The following TBC1D9B variants were observed in gnomAD, a reference collection of about 807,000 sequenced individuals.
TBC1D9B encodes TBC1 domain family member 9B, also known as TBC1 domain family, member 9B (with GRAM domain).
A neutral mutation model predicts 121.1 loss-of-function variants in TBC1D9B; 87 were observed. That is an observed-to-expected ratio of 0.72 (90% confidence interval 0.60 to 0.86). TBC1D9B has a LOEUF of 0.86. Among genes scored for constraint, TBC1D9B ranks in the 40% least tolerant of loss-of-function variants. The pLI is 0.00. For synonymous variants in TBC1D9B, 668 were observed against 670.1 expected (o/e 1.00, Z 0.05); for missense variants, 1,540 against 1,628.6 (o/e 0.95, Z 0.94).
chr5:179,879,417 A>G, intron 8 of TBC1D9B: 6 of 1,005,964 alleles, frequency 6.0e-6, no homozygotes, highest in Admixed American at 2.7e-5. Flanking sequence ...AGAGGCCTGG[A>G]GTCCGTGGCA....
chr5:179,874,830 C>T lies in TBC1D9B; in HGVS notation c.2186+72G>A. The stretch of plus-strand genomic sequence containing the variant: ...GGTGGGCACAGTCACTTCAGGCTGA[C>T]TGGACAGTGCCCGGGGCTGGTGAGG... On this transcript the variant is annotated intron_variant, in intron 12 of 20. Coordinates refer to ENST00000355235, the MANE Select transcript of TBC1D9B (RefSeq NM_015043.4). The surrounding 1 kb of genome is among the most constrained non-coding windows in gnomAD (Gnocchi z 4.3). 1.3e-6 allele frequency: 2 copies of T among 1,561,324 alleles called. No individual in the cohort carries two copies. The highest frequency in any genetic ancestry group is 1.7e-6 in the Non-Finnish European group (2 of 1,156,628).
At chr5:179,901,178 C>T (rs753308163) in intron 2 of TBC1D9B, among the ~76,000 whole-genome samples, 10 of 152,214 alleles carry the variant, frequency 6.6e-5, no homozygotes, top group Non-Finnish European at 1.2e-4. Context: ...CAGTGAGTCA[C>T]AAAAGGCCCC....
At chr5:179,906,756 C>G (rs1023583650) in intron 1 of TBC1D9B, among the ~76,000 whole-genome samples, 1 of 152,246 alleles carries the variant, frequency 6.6e-6, no homozygotes, top group African/African-American at 2.4e-5. Flanking sequence ...GGAGAAGCCT[C>G]CGTCTGCATC....
At chr5:179,894,724 C>A (rs768156816) in intron 3 of TBC1D9B, 110 bp from the exon 4 acceptor site, 198 of 1,060,120 alleles carry the variant, frequency 1.9e-4, no homozygotes, top group Non-Finnish European at 2.2e-4. Context: ...GGTCTAAGGG[C>A]TACAGGCACA....
rs144737432 is a variant in TBC1D9B at position 179,872,845 on chromosome 5, G to A, written c.2415+47C>T. On this transcript the variant is annotated intron_variant, in intron 14 of 20. Transcript: ENST00000355235. ...CACCCTGCTCTGTGGGGAAGGCACT[G>A]CTGCCCCCCCAGCCCAGCCCCTGCC... The A allele has an allele frequency of 8.3e-5, 130 of 1,563,510 alleles. No homozygotes were observed. In the African/African-American group the frequency reaches 1.7e-3, roughly 21 times the overall value.
chr5:179,892,009 G>T (rs1207643236), intron 5 of TBC1D9B, among the ~76,000 whole-genome samples: 1 of 152,206 alleles, frequency 6.6e-6, no homozygotes, highest in Non-Finnish European at 1.5e-5. Context: ...TTGAAACCTA[G>T]GTGAGGAGCT....
intron 3 of TBC1D9B, among the ~76,000 whole-genome samples, chr5:179,898,938 C>A (rs1037335506): frequency 6.6e-6 from 1 of 152,214 alleles, no homozygotes; most frequent in East Asian, 1.9e-4. Context: ...CCTTCCAAGG[C>A]ACTTGGGTAG....
intron 18 of TBC1D9B, chr5:179,867,421 C>G: frequency 6.5e-7 from 1 of 1,548,592 alleles, no homozygotes; most frequent in Non-Finnish European, 8.7e-7. Context: ...GTACAGGGGG[C>G]GCCCCTGCCT....
intron 3 of TBC1D9B, among the ~76,000 whole-genome samples, chr5:179,896,508 A>G (rs895458743): frequency 3.9e-5 from 6 of 152,180 alleles, no homozygotes; most frequent in African/African-American, 1.4e-4. Context: ...TTATTCTAAT[A>G]AAGTGCCCAT....
Position 179,894,459 on chromosome 5 carries a change from G to C in TBC1D9B, c.504C>G (p.Arg168=). The change falls in exon 4 of 21, where the codon CGC becomes CGG. Residue 168 remains arginine (R), a synonymous_variant. Coordinates refer to ENST00000355235, the MANE Select transcript of TBC1D9B (RefSeq NM_015043.4). ...NYYSCSYWKG[R]VPRQGWLYLT... ...GGTACAGCCAGCCCTGCCGGGGCAC[G>C]CGGCCCTTCCAGTAGCTGCAGGAGT... The C allele has an allele frequency of 6.2e-7, 1 of 1,614,184 alleles. No individual in the cohort carries two copies. Among genetic ancestry groups the C allele is most frequent in the Non-Finnish European group, 8.5e-7 (1 of 1,180,008 alleles).
intron 14 of TBC1D9B, 32 bp downstream of exon 14, chr5:179,872,860 C>CCG: frequency 6.5e-7 from 1 of 1,530,636 alleles, no homozygotes; most frequent in Admixed American, 1.7e-5. Context: ...CCCCCCAGCC[C>CCG]AGCCCCTGCC....
intron 7 of TBC1D9B, among the ~76,000 whole-genome samples, chr5:179,882,691 A>C (rs1760574866): frequency 6.6e-6 from 1 of 152,144 alleles, no homozygotes; most frequent in South Asian, 2.1e-4. Context: ...CTCTACAAAA[A>C]ATACAAAAAT....
At chr5:179,877,579 G>A (rs1760394056) in intron 10 of TBC1D9B, among the ~76,000 whole-genome samples, 1 of 150,158 alleles carries the variant, frequency 6.7e-6, no homozygotes, top group South Asian at 2.1e-4. Flanking sequence ...CAGGAGAATC[G>A]CTTGAACCTG....
At chr5:179,892,585 C>T (rs753155818) in intron 5 of TBC1D9B, among the ~76,000 whole-genome samples, 9 of 152,228 alleles carry the variant, frequency 5.9e-5, no homozygotes, top group Non-Finnish European at 8.8e-5. Flanking sequence ...TCCTGCCTAT[C>T]GGTCCCCTGG....
Position 179,894,606 on chromosome 5 carries a change from G to A in TBC1D9B, c.357C>T (p.Ile119=), listed in dbSNP as rs150483521. 102 of 1,614,110 alleles carry A rather than the reference G, an allele frequency of 6.3e-5. 1 individual carries two copies. The South Asian group carries it at 8.8e-4, about 14-fold the overall frequency. The change falls in exon 4 of 21, where the codon ATC becomes ATT. Residue 119 remains isoleucine, a synonymous_variant. Coordinates refer to ENST00000355235, the MANE Select transcript of TBC1D9B (RefSeq NM_015043.4). ...GCTGCAGGTTCTTGTTCTCTTCTGC[G>A]ATGATTCCCTGGAGGAAGGCAAGAG... ...TFVKGKIHGI[I]AEENKNLQPQ...
At position 179,891,363 on chromosome 5, in the gene TBC1D9B, A is replaced by G. The variant is rs1561644819; in HGVS notation, c.1044+16T>C. On this transcript the variant is annotated intron_variant, in intron 6 of 20. Coordinates refer to ENST00000355235, the MANE Select transcript of TBC1D9B (RefSeq NM_015043.4). The surrounding 1 kb of genome is among the most constrained non-coding windows in gnomAD (Gnocchi z 4.3). ...GGGCTGGAAAGGCCTTGGCCTCTCAACTAGGGGATGCTGACCTCCCTCAGG... is the reference window on the plus strand; with the variant it reads ...GGGCTGGAAAGGCCTTGGCCTCTCAGCTAGGGGATGCTGACCTCCCTCAGG... 1 of 1,614,118 alleles carries G rather than the reference A, an allele frequency of 6.2e-7. No homozygotes were observed. The highest frequency in any genetic ancestry group is 2.2e-5 in the East Asian group (1 of 44,878).
In TBC1D9B at chr5:179,885,975, C is replaced by T. The variant is rs1760673416; in HGVS notation, c.1254+2128G>A. On this transcript the variant is annotated intron_variant, in intron 7 of 20. Coordinates refer to ENST00000355235, the MANE Select transcript of TBC1D9B (RefSeq NM_015043.4). The surrounding 1 kb of genome is among the most constrained non-coding windows in gnomAD (Gnocchi z 4.5). ...CTCCTAAGCCCTGGTCCCAGAAGCC[C>T]GTGCCACATCCAATCCTGTCTCCCA... Among the ~76,000 whole-genome samples, 1 of 152,200 alleles carries T rather than the reference C, an allele frequency of 6.6e-6. No individual in the cohort carries two copies. The highest frequency in any genetic ancestry group is 1.5e-5 in the Non-Finnish European group (1 of 68,028).
chr5:179,907,765 C>T lies in TBC1D9B; in HGVS notation c.57G>A (p.Arg19=). The part of the protein sequence containing the change: ...LVANALWVTE[R]ANPFFVLQRR... ...GCTGCAGCACGAAGAAGGGGTTGGC[C>T]CGCTCCGTCACCCACAGCGCATTGG... Residue 19 remains arginine (R), a synonymous_variant, in exon 1 of 21, where the codon CGG becomes CGA. Transcript: ENST00000355235. The surrounding 1 kb of genome is among the most constrained non-coding windows in gnomAD (Gnocchi z 5.3). 8.2e-7 allele frequency: 1 copy of T among 1,224,560 alleles called. No homozygotes were observed. The highest frequency in any genetic ancestry group is 1.0e-6 in the Non-Finnish European group (1 of 954,578). The allele number at this position is 1,224,560 out of a possible 1,614,324, so 75.9% of individuals were successfully genotyped here. A position where few individuals can be genotyped will look rare whatever the true frequency, so the allele number is the denominator to read the frequency against.
chr5:179,867,281 A>T, intron 18 of TBC1D9B: 1 of 741,558 alleles, frequency 1.3e-6, no homozygotes, highest in Non-Finnish European at 2.2e-6. Context: ...GCAGACACGG[A>T]GGCGGTGCAG....
Sources: gnomAD v4.1 joint callset for allele counts (sites outside exome capture counted in the v4.1 genomes callset) on GRCh38, gnomAD v4.1.1 for gene constraint, Gnocchi (gnomAD v3.1) non-coding constraint, MANE v1.5 for transcripts, NCBI Gene and HGNC (gene_info 2026-07-23, HGNC 2026-07-21) for gene names.